LTBP1: variants seen among roughly 807,000 people sequenced by gnomAD.
The protein encoded by LTBP1 is latent transforming growth factor beta binding protein 1.
A neutral mutation model predicts 207.6 loss-of-function variants in LTBP1; 129 were observed. The ratio of observed to expected loss-of-function variants is 0.62; its 90% CI spans 0.54 to 0.72. The LOEUF (loss-of-function observed/expected upper bound fraction) is 0.72. Ranked by LOEUF, LTBP1 falls within the 30% of genes least tolerant of loss-of-function variation. The pLI is 0.00. For synonymous variants in LTBP1, 963 were observed against 833.7 expected (o/e 1.16, Z -2.67); for missense variants, 2,281 against 2,217.2 (o/e 1.03, Z -0.58).
intron 5 of LTBP1, among the ~76,000 whole-genome samples, chr2:33,177,854 G>C (rs1452095209): frequency 6.6e-6 from 1 of 152,208 alleles, no homozygotes; most frequent in African/African-American, 2.4e-5. Context: ...GTAAACTGTA[G>C]TGGTTAAACT....
intron 2 of LTBP1, among the ~76,000 whole-genome samples, chr2:33,002,683 C>CTT (rs145604501): frequency 2.0e-5 from 3 of 149,492 alleles, no homozygotes; most frequent in African/African-American, 2.5e-5. Context: ...GTTTTGTTTT[C>CTT]TTTTTTTTTT....
rs551605911 is a variant in LTBP1 at position 33,149,131 on chromosome 2, C to T, written c.1201+14171C>T. Among the ~76,000 whole-genome samples the T allele has an allele frequency of 1.8e-3, 275 of 149,370 alleles. 4 individuals are homozygous for T. The highest frequency in any genetic ancestry group is 6.5e-3 in the African/African-American group (266 of 40,688). On this transcript the variant is annotated intron_variant, in intron 5 of 33. Transcript: ENST00000404816. ...TCTGGAGGCTGAGGCAGGAGAATGGCGTGAACCCGGGAGGCGGAGCTTGCA... is the reference window on the plus strand; with the variant it reads ...TCTGGAGGCTGAGGCAGGAGAATGGTGTGAACCCGGGAGGCGGAGCTTGCA...
At chr2:33,320,001 C>T (rs2094330937) in intron 24 of LTBP1, among the ~76,000 whole-genome samples, 1 of 152,124 alleles carries the variant, frequency 6.6e-6, no homozygotes. Context: ...GTACTGGGGC[C>T]TTGTCAGTGA....
intron 22 of LTBP1, among the ~76,000 whole-genome samples, chr2:33,309,114 C>G (rs1052481346): frequency 6.6e-6 from 1 of 151,876 alleles, no homozygotes; most frequent in Admixed American, 6.6e-5. Flanking sequence ...GAAACCCCAT[C>G]TCTACTAAAA....
Position 33,257,407 on chromosome 2 carries a change from C to A in LTBP1, c.2291C>A (p.Pro764His). 2 of 1,614,196 alleles carry A rather than the reference C, an allele frequency of 1.2e-6. No individual in the cohort carries two copies. The highest frequency in any genetic ancestry group is 1.1e-5 in the South Asian group (1 of 91,088). Reference protein sequence around the residue: ...PVFVKPKNTQPVAKSTHPPPL... With the variant: ...PVFVKPKNTQHVAKSTHPPPL... ...TTTGTCAAGCCAAAGAACACTCAAC[C>A]TGTTGCTAAAAGTACTCATCCTCCA... is the stretch of plus-strand genomic sequence containing the variant. Residue 764 changes from proline to histidine, a missense_variant, in exon 12 of 34, where the codon CCT becomes CAT. This residue lies in a region of LTBP1 where 1,671 missense variants were observed against 1,634.8 expected (regional missense o/e 1.02). Coordinates refer to ENST00000404816, the MANE Select transcript of LTBP1 (RefSeq NM_206943.4).
chr2:33,324,027 G>A (rs139800471), intron 24 of LTBP1, among the ~76,000 whole-genome samples: 1 of 152,094 alleles, frequency 6.6e-6, no homozygotes, highest in Admixed American at 6.6e-5. Flanking sequence ...ACATGGAGTT[G>A]ATGTGTGTTG....
chr2:33,279,863 A>G (rs2093522166), intron 18 of LTBP1, among the ~76,000 whole-genome samples, 176 bp from the exon 19 acceptor site: 1 of 152,198 alleles, frequency 6.6e-6, no homozygotes, highest in South Asian at 2.1e-4. Context: ...GGTATGCTTG[A>G]CCATGCATTA....
At chr2:33,279,918 T>TA (rs2093523890) in intron 18 of LTBP1, 121 bp from the exon 19 acceptor site, 1 of 1,007,872 alleles carries the variant, frequency 9.9e-7, no homozygotes, top group Non-Finnish European at 1.5e-6. Flanking sequence ...CTTACCCAAT[T>TA]ATTGTTTTTC....
At chr2:33,234,298 G>A (rs1205244536) in intron 9 of LTBP1, among the ~76,000 whole-genome samples, 1 of 152,070 alleles carries the variant, frequency 6.6e-6, no homozygotes, top group East Asian at 1.9e-4. Flanking sequence ...GAGTTGCTAT[G>A]TTTATTTCTT....
chr2:33,181,052 C>T (rs2086577258), intron 5 of LTBP1, among the ~76,000 whole-genome samples: 1 of 152,140 alleles, frequency 6.6e-6, no homozygotes, highest in South Asian at 2.1e-4. Context: ...GGTTTGTTTT[C>T]CCTGCTCTGC....
chr2:33,378,172 C>CAT lies in LTBP1; in HGVS notation c.4712-10999_4712-10998dup, dbSNP rs541050492. On this transcript the variant is annotated intron_variant, in intron 31 of 33. Transcript: ENST00000404816. ...TTTGGTCTAGTGAACATTTTACTTTCATATATATATATATGTGTGTGTGTG... is the reference window on the plus strand; with the variant it reads ...TTTGGTCTAGTGAACATTTTACTTTCATATATATATATATATGTGTGTGTGTG... Among the ~76,000 whole-genome samples the CAT allele has an allele frequency of 8.4e-3, 1,204 of 143,988 alleles. 3 individuals are homozygous for CAT. Among genetic ancestry groups the CAT allele is most frequent in the Non-Finnish European group, 0.013 (868 of 66,176 alleles). 94.5% of individuals were successfully genotyped at this position (143,988 alleles called of 152,430 possible). A position where few individuals can be genotyped will look rare whatever the true frequency, so the allele number is the denominator to read the frequency against.
chr2:33,334,828 G>A (rs1449344028), intron 24 of LTBP1, among the ~76,000 whole-genome samples: 1 of 151,690 alleles, frequency 6.6e-6, no homozygotes, highest in African/African-American at 2.4e-5. Flanking sequence ...CCCAGCACTG[G>A]TTGGCCGAGG....
intron 5 of LTBP1, among the ~76,000 whole-genome samples, chr2:33,174,796 T>C (rs1045710794): frequency 1.3e-5 from 2 of 152,088 alleles, no homozygotes; most frequent in East Asian, 3.8e-4. Flanking sequence ...ATGGTACTGG[T>C]ACCAAAACAG....
intron 31 of LTBP1, among the ~76,000 whole-genome samples, chr2:33,367,813 T>C (rs2095012141): frequency 6.6e-6 from 1 of 151,964 alleles, no homozygotes; most frequent in Admixed American, 6.6e-5. Context: ...TGGGGCAAGA[T>C]GGGGCAGGGA....
At position 33,215,723 on chromosome 2, in the gene LTBP1, GT is replaced by G. The variant is rs11381516; in HGVS notation, c.1702-1817del. On this transcript the variant is annotated intron_variant, in intron 7 of 33. Transcript: ENST00000404816. Reference sequence around the variant, plus strand: ...TTCCATTGGTTTTCTTTTGTTTTTTGTTTTTTTTTTTTGAGATAGAGTCTCG... The same window carrying G: ...TTCCATTGGTTTTCTTTTGTTTTTTGTTTTTTTTTTTGAGATAGAGTCTCG... Among the ~76,000 whole-genome samples, 209 of 138,596 alleles carry G rather than the reference GT, an allele frequency of 1.5e-3. 8 individuals are homozygous for G. The East Asian group carries it at 0.032, about 21-fold the overall frequency. 90.9% of individuals were successfully genotyped at this position (138,596 alleles called of 152,430 possible).
At chr2:33,077,570 A>T (rs1361417492) in intron 3 of LTBP1, among the ~76,000 whole-genome samples, 1 of 151,718 alleles carries the variant, frequency 6.6e-6, no homozygotes, top group Non-Finnish European at 1.5e-5. Context: ...TCTTGTGAAA[A>T]CTCTGTCACA....
At chr2:33,012,843 G>A (rs1687862373) in intron 2 of LTBP1, among the ~76,000 whole-genome samples, 1 of 152,102 alleles carries the variant, frequency 6.6e-6, no homozygotes, top group South Asian at 2.1e-4. Context: ...TTCAAAATAT[G>A]TACTCATCAT....
At chr2:33,358,799 A>G (rs1191543677) in intron 26 of LTBP1, among the ~76,000 whole-genome samples, 2 of 152,160 alleles carry the variant, frequency 1.3e-5, no homozygotes, top group Non-Finnish European at 2.9e-5. Context: ...GTTGAGGGAG[A>G]GATTCTAAAA....
At chr2:33,339,491 G>C (rs546493196) in intron 24 of LTBP1, among the ~76,000 whole-genome samples, 1 of 152,132 alleles carries the variant, frequency 6.6e-6, no homozygotes, top group African/African-American at 2.4e-5. Context: ...ATTTGGTGAC[G>C]CGATGCAGTT....
Sources: allele counts gnomAD v4.1 joint callset (sites outside exome capture counted in the v4.1 genomes callset), GRCh38; gene constraint gnomAD v4.1.1; regional missense constraint gnomAD v4.1.1; transcripts MANE v1.5; gene names NCBI Gene and HGNC (gene_info 2026-07-23, HGNC 2026-07-21).